The following DMD variants were observed in gnomAD, a reference collection of about 807,000 sequenced individuals.
The protein encoded by DMD is mutant dystrophin.
DMD carries 63 observed loss-of-function variants against 330.1 expected under a neutral mutation model. That is an observed-to-expected ratio of 0.19 (90% CI 0.16 to 0.24). DMD has a LOEUF of 0.24. Among genes scored for constraint, DMD ranks in the 10% least tolerant of loss-of-function variants. DMD has a pLI of 1.00. For synonymous variants in DMD, 1,223 were observed against 959.8 expected, an observed-to-expected ratio of 1.27 and a Z score of -5.07; for missense variants, 3,344 against 2,684.1, an observed-to-expected ratio of 1.25 and a Z score of -5.43.
chrX:32,253,924 T>C (rs1358316662), intron 43 of DMD, among the ~76,000 whole-genome samples: 1 of 111,932 alleles, frequency 8.9e-6, no homozygotes, highest in African/African-American at 3.2e-5. Context: ...GCCTGGTCAA[T>C]TGATTTTGTC....
intron 2 of DMD, among the ~76,000 whole-genome samples, chrX:32,947,210 T>C (rs919095317): frequency 2.0e-4 from 22 of 112,133 alleles, no homozygotes; most frequent in Non-Finnish European, 3.6e-4. Context: ...AAATCTTTAA[T>C]TGCCTTTTAG....
At position 32,581,304 on chromosome X, in the gene DMD, G is replaced by T. The variant is rs767126674; in HGVS notation, c.1603-7458C>A. Among the ~76,000 whole-genome samples the T allele has an allele frequency of 5.3e-5, 6 of 112,219 alleles. No individual in the cohort carries two copies. The East Asian group carries it at 1.7e-3, about 31-fold the overall frequency. On this transcript the variant is annotated intron_variant, in intron 13 of 78. Transcript: ENST00000357033. ...CAGAATAGGTAGTAATGGGGACTGT[G>T]GCTAAATGAAGAGCCTGTGCTAGAG...
In DMD at chrX:32,285,963, G is replaced by A. The variant is rs1242222477; in HGVS notation, c.6290+1566C>T. On this transcript the variant is annotated intron_variant, in intron 43 of 78. Transcript: ENST00000357033. ...GATGTGCCCGCCTTGGACTCCCAAA[G>A]TGCTGGGATTACAGACATGAGCCAC... Among the ~76,000 whole-genome samples the A allele has an allele frequency of 4.5e-5, 5 of 111,365 alleles. No homozygotes were observed. In the South Asian group the frequency reaches 1.5e-3, roughly 34 times the overall value.
chrX:32,903,905 A>C (rs1158803806), intron 2 of DMD, among the ~76,000 whole-genome samples: 3 of 111,706 alleles, frequency 2.7e-5, no homozygotes, highest in African/African-American at 9.8e-5. Context: ...ACTCGAATTC[A>C]AACTCTACTC....
At chrX:32,954,073 T>C (rs1031163684) in intron 2 of DMD, among the ~76,000 whole-genome samples, 1 of 112,225 alleles carries the variant, frequency 8.9e-6, no homozygotes, top group African/African-American at 3.2e-5. Context: ...GCCAACATGA[T>C]AGAAAAGAAT....
chrX:33,223,450 A>T (rs1265547327), intron 1 of DMD, among the ~76,000 whole-genome samples: 1 of 112,619 alleles, frequency 8.9e-6, no homozygotes, highest in Non-Finnish European at 1.9e-5. Context: ...GGAACAGAAT[A>T]GAGAGCCCAG....
chrX:32,627,872 A>G (rs1186919598), intron 11 of DMD, among the ~76,000 whole-genome samples: 1 of 111,051 alleles, frequency 9.0e-6, no homozygotes, highest in African/African-American at 3.3e-5. Flanking sequence ...TACTTTAATG[A>G]TAGAAACCAC....
chrX:32,824,359 C>T (rs2078522035), intron 4 of DMD, among the ~76,000 whole-genome samples: 1 of 111,997 alleles, frequency 8.9e-6, no homozygotes, highest in East Asian at 2.8e-4. Context: ...CCCAGATGCC[C>T]TCAGGGGTAG....
At chrX:32,989,945 G>T (rs938833765) in intron 2 of DMD, among the ~76,000 whole-genome samples, 4 of 111,432 alleles carry the variant, frequency 3.6e-5, no homozygotes, top group Admixed American at 2.9e-4. Context: ...TCACTATTCT[G>T]TTCCTTAGCC....
intron 1 of DMD, among the ~76,000 whole-genome samples, chrX:33,291,106 T>A (rs1345969705): frequency 9.0e-6 from 1 of 111,115 alleles, no homozygotes; most frequent in Non-Finnish European, 1.9e-5. Flanking sequence ...GTTCAACACA[T>A]GCAAATCAAT....
At chrX:32,136,951 T>C (rs1465309481) in intron 44 of DMD, among the ~76,000 whole-genome samples, 1 of 111,189 alleles carries the variant, frequency 9.0e-6, no homozygotes, top group African/African-American at 3.3e-5. Flanking sequence ...ATGGCACATG[T>C]ATACATATGT....
chrX:32,549,966 A>C (rs1164468994), intron 16 of DMD, among the ~76,000 whole-genome samples: 6 of 112,653 alleles, frequency 5.3e-5, no homozygotes, highest in Non-Finnish European at 9.4e-5. Flanking sequence ...GAATCACTAC[A>C]AGTCATGTAT....
intron 41 of DMD, among the ~76,000 whole-genome samples, chrX:32,322,109 G>T (rs1216226945): frequency 9.1e-6 from 1 of 110,471 alleles, no homozygotes; most frequent in Non-Finnish European, 1.9e-5. Flanking sequence ...GAGACTTAGA[G>T]AACAGATCTA....
At position 32,801,655 on chromosome X, in the gene DMD, G is replaced by T. The variant is rs192918455; in HGVS notation, c.649+7838C>A. Among the ~76,000 whole-genome samples, 3 of 112,022 alleles carry T rather than the reference G, an allele frequency of 2.7e-5. No homozygotes were observed. In the Admixed American group the frequency reaches 2.8e-4, roughly 11 times the overall value. On this transcript the variant is annotated intron_variant, in intron 7 of 78. Transcript: ENST00000357033. ...TTATGGTTTTAGGTATTACATTTAA[G>T]TCTTTAATCCATCTTGAGTTAATTT...
At chrX:31,548,479 G>T (rs1238635391) in intron 55 of DMD, among the ~76,000 whole-genome samples, 2 of 110,995 alleles carry the variant, frequency 1.8e-5, no homozygotes, top group Admixed American at 9.6e-5. Flanking sequence ...AATAGAGAGT[G>T]AAATTACTCC....
intron 2 of DMD, among the ~76,000 whole-genome samples, chrX:32,926,326 A>T (rs67200719): frequency 0.26 from 28,523 of 111,135 alleles, 3,190 homozygotes; most frequent in East Asian, 0.51. Context: ...AGAGATATTG[A>T]TCAAAGAATA....
chrX:33,106,364 G>A (rs1393123497), intron 1 of DMD, among the ~76,000 whole-genome samples: 4 of 110,391 alleles, frequency 3.6e-5, no homozygotes, highest in Non-Finnish European at 5.7e-5. Context: ...ATAAAATCCC[G>A]GACTTCACCA....
intron 56 of DMD, among the ~76,000 whole-genome samples, chrX:31,506,286 C>T (rs1165808499): frequency 9.0e-6 from 1 of 111,629 alleles, no homozygotes; most frequent in African/African-American, 3.3e-5. Flanking sequence ...AAAAAAATCT[C>T]CCTTCTGTAA....
chrX:32,595,918 T>C, intron 12 of DMD, 42 bp from the exon 13 acceptor site: 1 of 1,078,656 alleles, frequency 9.3e-7, no homozygotes, highest in East Asian at 3.0e-5. Context: ...AATGATATTC[T>C]TACATGTGTG....
Sources: allele counts gnomAD v4.1 joint callset (sites outside exome capture counted in the v4.1 genomes callset), GRCh38; gene constraint gnomAD v4.1.1; transcripts MANE v1.5; gene names NCBI Gene and HGNC (gene_info 2026-07-23, HGNC 2026-07-21).